The following FAM227B variants were observed in gnomAD, a reference collection of about 807,000 sequenced individuals.
FAM227B encodes the protein protein FAM227B.
Under a neutral mutation model 73.8 loss-of-function variants are expected in FAM227B, and 88 were observed. The observed-to-expected ratio is 1.19, with a 90% confidence interval of 1.00 to 1.42. FAM227B has a LOEUF of 1.42. Among genes scored for constraint, FAM227B ranks in the 40% most tolerant of loss-of-function variants. The probability of loss-of-function intolerance (pLI) is 0.00; values close to 1 mark genes in which losing one functional copy is unlikely to be tolerated. For missense variants in FAM227B, 632 were observed against 590.9 expected (o/e 1.07, Z -0.72); for synonymous variants, 210 against 190.5 (o/e 1.10, Z -0.84).
intron 11 of FAM227B, among the ~76,000 whole-genome samples, chr15:49,480,504 C>T (rs1284693381): frequency 1.7e-5 from 2 of 118,356 alleles, no homozygotes; most frequent in Admixed American, 1.1e-4. Context: ...TTTGGTGAGA[C>T]GGAGTCTCAC....
chr15:49,431,075 C>A (rs1352782379), intron 11 of FAM227B, among the ~76,000 whole-genome samples: 1 of 151,780 alleles, frequency 6.6e-6, no homozygotes, highest in African/African-American at 2.4e-5. Flanking sequence ...GAATACAATA[C>A]TTTTCCATTT....
At chr15:49,513,609 C>A (rs1334879878) in intron 10 of FAM227B, among the ~76,000 whole-genome samples, 10 of 152,108 alleles carry the variant, frequency 6.6e-5, no homozygotes, top group Non-Finnish European at 1.5e-4. Context: ...AATTAGATCC[C>A]ATTTGTCAAT....
chr15:49,371,704 A>AAAT (rs1395358030), intron 11 of FAM227B, among the ~76,000 whole-genome samples: 1 of 148,822 alleles, frequency 6.7e-6, no homozygotes, highest in Admixed American at 6.7e-5. Flanking sequence ...ACTTATAAAT[A>AAAT]AATGAAATAA....
intron 9 of FAM227B, among the ~76,000 whole-genome samples, chr15:49,549,023 T>C (rs914937494): frequency 1.1e-4 from 16 of 152,154 alleles, no homozygotes; most frequent in Non-Finnish European, 1.6e-4. Context: ...TGATCTTTAT[T>C]ATTTATTTTC....
chr15:49,573,150 C>T (rs1383055201), intron 8 of FAM227B, among the ~76,000 whole-genome samples: 1 of 151,854 alleles, frequency 6.6e-6, no homozygotes, highest in African/African-American at 2.4e-5. Context: ...TCATTTAGTT[C>T]AAAATAATTT....
At chr15:49,443,817 T>G (rs959608863) in intron 11 of FAM227B, among the ~76,000 whole-genome samples, 1 of 151,714 alleles carries the variant, frequency 6.6e-6, no homozygotes, top group African/African-American at 2.4e-5. Context: ...ATTTTGTGAG[T>G]ATTATATTTT....
At chr15:49,418,942 T>A (rs534437848) in intron 11 of FAM227B, among the ~76,000 whole-genome samples, 6 of 152,286 alleles carry the variant, frequency 3.9e-5, no homozygotes, top group South Asian at 4.1e-4. Context: ...TATTCTAGGG[T>A]TTCCCTCTTC....
At chr15:49,455,773 T>C (rs12595701) in intron 11 of FAM227B, among the ~76,000 whole-genome samples, 3,735 of 152,268 alleles carry the variant, frequency 0.025, 122 homozygotes, top group South Asian at 0.16. Context: ...ACTTTGGGTA[T>C]GGTCAATAGA....
At chr15:49,517,321 T>C (rs553093127) in intron 10 of FAM227B, among the ~76,000 whole-genome samples, 1 of 152,180 alleles carries the variant, frequency 6.6e-6, no homozygotes, top group Non-Finnish European at 1.5e-5. Context: ...TACTTCATCC[T>C]GAAGAAGAAT....
intron 9 of FAM227B, among the ~76,000 whole-genome samples, chr15:49,555,568 G>C (rs2073571675): frequency 6.6e-6 from 1 of 152,150 alleles, no homozygotes; most frequent in Non-Finnish European, 1.5e-5. Flanking sequence ...GTTCTTCACA[G>C]TTCCTGAATT....
At chr15:49,361,751 G>C (rs1284937240) in intron 13 of FAM227B, among the ~76,000 whole-genome samples, 1 of 151,988 alleles carries the variant, frequency 6.6e-6, no homozygotes, top group Non-Finnish European at 1.5e-5. Context: ...TATTCCTTTG[G>C]GTATATACTC....
chr15:49,328,605 G>T lies in FAM227B; in HGVS notation c.1490C>A (p.Ser497Ter), dbSNP rs1208307891. 6.3e-7 allele frequency: 1 copy of T among 1,591,612 alleles called. No homozygotes were observed. The highest frequency in any genetic ancestry group is 8.6e-7 in the Non-Finnish European group (1 of 1,165,632). ...TTCCTCAAAGTTGTAGTTGTCTGTT[G>T]ATGATGGTGATGATGATGATGATGA... ...LSSSSSSSPS[S>*]TDNYNFEEEE... is the part of the protein sequence containing the mutation. Residue 497 changes from serine to a stop codon, truncating the protein, a stop_gained, in exon 16 of 16, where the codon TCA (serine) becomes TAA (stop). Coordinates refer to ENST00000299338, the MANE Select transcript of FAM227B (RefSeq NM_152647.3). LOFTEE classifies it low-confidence loss of function (END_TRUNC).
chr15:49,381,904 T>C (rs2046561531), intron 11 of FAM227B, among the ~76,000 whole-genome samples: 1 of 152,140 alleles, frequency 6.6e-6, no homozygotes, highest in South Asian at 2.1e-4. Context: ...TAAAATATTT[T>C]AAAATCTCAT....
intron 11 of FAM227B, among the ~76,000 whole-genome samples, chr15:49,389,865 T>G (rs2047101302): frequency 6.6e-6 from 1 of 151,950 alleles, no homozygotes; most frequent in Non-Finnish European, 1.5e-5. Flanking sequence ...GTAGAACCAT[T>G]TTTACCAGCT....
intron 5 of FAM227B, among the ~76,000 whole-genome samples, chr15:49,581,598 T>A (rs2075817222): frequency 6.6e-6 from 1 of 152,124 alleles, no homozygotes; most frequent in African/African-American, 2.4e-5. Flanking sequence ...ATTACAGGCG[T>A]GAGCCACCGT....
chr15:49,591,440 T>C (rs1233137926), intron 3 of FAM227B, among the ~76,000 whole-genome samples: 2 of 126,754 alleles, frequency 1.6e-5, no homozygotes, highest in Admixed American at 9.0e-5. Flanking sequence ...CCTCCCAAAG[T>C]GCTGGGATTA....
chr15:49,458,058 T>C, intron 11 of FAM227B, among the ~76,000 whole-genome samples: 1 of 151,886 alleles, frequency 6.6e-6, no homozygotes, highest in East Asian at 1.9e-4. Context: ...TCAAATGACA[T>C]AAAACATGTA....
chr15:49,588,547 C>CTATATA (rs71120695), intron 4 of FAM227B, among the ~76,000 whole-genome samples: 124 of 38,036 alleles, frequency 3.3e-3, no homozygotes, highest in Non-Finnish European at 4.7e-3. Flanking sequence ...ATATTGAGGA[C>CTATATA]TATATATATA....
chr15:49,459,065 C>T (rs1473734527), intron 11 of FAM227B, among the ~76,000 whole-genome samples: 2 of 152,188 alleles, frequency 1.3e-5, no homozygotes, highest in Admixed American at 6.6e-5. Context: ...AATATATCTT[C>T]CTTCTCTAGT....
Sources: gnomAD v4.1 joint callset for allele counts (sites outside exome capture counted in the v4.1 genomes callset) on GRCh38, gnomAD v4.1.1 for gene constraint, MANE v1.5 for transcripts, NCBI Gene and HGNC (gene_info 2026-07-23, HGNC 2026-07-21) for gene names.